The following PWWP2A variants were observed in gnomAD, a reference collection of about 807,000 sequenced individuals.
PWWP2A encodes PWWP domain-containing protein 2A.
A neutral mutation model predicts 48.5 loss-of-function variants in PWWP2A; 18 were observed. That is an observed-to-expected ratio of 0.37 (90% confidence interval 0.26 to 0.55). The LOEUF (loss-of-function observed/expected upper bound fraction) is 0.55, where lower values mean the gene tolerates loss of function less well. PWWP2A is among the 20% of genes least tolerant of loss of function. The pLI is 0.81. For missense variants in PWWP2A, 867 were observed against 976.4 expected (o/e 0.89, Z 1.49); for synonymous variants, 396 against 387.7 (o/e 1.02, Z -0.25).
At chr5:160,068,509 G>C (rs1322564645) in intron 2 of PWWP2A, among the ~76,000 whole-genome samples, 1 of 152,184 alleles carries the variant, frequency 6.6e-6, no homozygotes, top group African/African-American at 2.4e-5. Context: ...TGAGGCAGGA[G>C]AATCGTTTGG....
At chr5:160,068,079 G>A (rs561074847) in intron 2 of PWWP2A, among the ~76,000 whole-genome samples, 47 of 152,308 alleles carry the variant, frequency 3.1e-4, no homozygotes, top group Non-Finnish European at 5.3e-4. Flanking sequence ...TACTTGGGAG[G>A]CTAAGGCAGG....
Position 160,092,095 on chromosome 5 carries a change from A to C in PWWP2A, c.*287T>G. 1 of 1,108,266 alleles carries C rather than the reference A, an allele frequency of 9.0e-7. No individual in the cohort carries two copies. The highest frequency in any genetic ancestry group is 1.1e-6 in the Non-Finnish European group (1 of 907,492). 68.7% of individuals were successfully genotyped at this position (1,108,266 alleles called of 1,614,324 possible). On this transcript the variant is annotated 3_prime_UTR_variant, in exon 2 of 2. Transcript: ENST00000307063. Reference sequence around the variant, plus strand: ...ACAAATGGCAATTAACAGTCCCTACAAAAATTCAATTTCAGTTGAGGCTAT... The same window carrying C: ...ACAAATGGCAATTAACAGTCCCTACCAAAATTCAATTTCAGTTGAGGCTAT...
chr5:160,118,391 C>G (rs1191672496), intron 1 of PWWP2A, among the ~76,000 whole-genome samples: 1 of 152,204 alleles, frequency 6.6e-6, no homozygotes, highest in East Asian at 1.9e-4. Flanking sequence ...AGAGGACAGA[C>G]AAGTGCCTCC....
intron 1 of PWWP2A, among the ~76,000 whole-genome samples, chr5:160,097,778 C>A (rs1755842198): frequency 6.9e-6 from 1 of 145,078 alleles, no homozygotes; most frequent in South Asian, 2.4e-4. Flanking sequence ...TGCAGTGGCA[C>A]AATCTCGGCT....
intron 1 of PWWP2A, among the ~76,000 whole-genome samples, chr5:160,109,822 A>AATATAT (rs201400491): frequency 4.4e-5 from 5 of 114,134 alleles, no homozygotes; most frequent in African/African-American, 1.3e-4. Flanking sequence ...ATAATATAAT[A>AATATAT]ATATATATAT....
intron 2 of PWWP2A, among the ~76,000 whole-genome samples, chr5:160,068,732 G>A (rs1753674455): frequency 6.6e-6 from 1 of 152,198 alleles, no homozygotes; most frequent in Admixed American, 6.5e-5. Flanking sequence ...CATTTATGTT[G>A]TTAATAGCAC....
the PWWP2A span, among the ~76,000 whole-genome samples, chr5:160,053,793 T>C: frequency 6.6e-6 from 1 of 152,234 alleles, no homozygotes; most frequent in African/African-American, 2.4e-5. Flanking sequence ...GTGTTCAGTA[T>C]TCTTTAACTT....
intron 1 of PWWP2A, among the ~76,000 whole-genome samples, chr5:160,106,527 TCA>T (rs1756911540): frequency 6.6e-6 from 1 of 151,814 alleles, no homozygotes; most frequent in Non-Finnish European, 1.5e-5. Flanking sequence ...ATTTAAAACC[TCA>T]CACATTAAAA....
downstream of PWWP2A, among the ~76,000 whole-genome samples, chr5:160,061,392 G>T (rs933731602): frequency 1.3e-5 from 2 of 152,130 alleles, no homozygotes; most frequent in Non-Finnish European, 2.9e-5. Context: ...TATGAATTTG[G>T]TTTTGTGTGT....
chr5:160,101,532 T>C (rs1756289202), intron 1 of PWWP2A, among the ~76,000 whole-genome samples: 3 of 152,176 alleles, frequency 2.0e-5, no homozygotes, highest in African/African-American at 7.2e-5. Context: ...TGGGAAGCTG[T>C]TGTTTAAAAA....
chr5:160,092,946 C>T lies in PWWP2A; in HGVS notation c.1704G>A (p.Met568Ile), dbSNP rs377359788. 431 of 1,551,758 alleles carry T rather than the reference C, an allele frequency of 2.8e-4. No individual in the cohort carries two copies. Among genetic ancestry groups the T allele is most frequent in the Non-Finnish European group, 3.5e-4 (406 of 1,147,090 alleles). Reference protein sequence around the residue: ...KGSKNNISVYMTLNQKKSDSS... With the variant: ...KGSKNNISVYITLNQKKSDSS... The stretch of plus-strand genomic sequence containing the variant: ...AGTCAGATTTCTTTTGATTTAGGGT[C>T]ATATAAACAGAGATATTGTTTTTGC... The change falls in exon 2 of 2, where the codon ATG (methionine) becomes ATA (isoleucine). Residue 568 changes from methionine to isoleucine, a missense_variant. By Grantham distance (10) the Met-to-Ile change is conservative (BLOSUM62 1). Transcript: ENST00000307063.
exon 5 of PWWP2A, chr5:160,063,551 A>T (rs1205139063): frequency 6.6e-6 from 1 of 151,888 alleles, no homozygotes; most frequent in Non-Finnish European, 1.5e-5. Context: ...CCTGGGCTTT[A>T]CTCTAAGATG....
chr5:160,071,447 A>G (rs1753737085), downstream of PWWP2A, among the ~76,000 whole-genome samples: 1 of 152,196 alleles, frequency 6.6e-6, no homozygotes. Context: ...GATCCCAAGA[A>G]CTAAGCAGGC....
Position 160,119,412 on chromosome 5 carries a change from C to T in PWWP2A, c.-24G>A. ...ATTTTCTTCCTAGCTTCTCCCTCCT[C>T]CAACTCCGGCTGCAGCGGCGGCGGC... On this transcript the variant is annotated 5_prime_UTR_variant, in exon 1 of 2. Transcript: ENST00000307063. 2 of 1,358,802 alleles carry T rather than the reference C, an allele frequency of 1.5e-6. No homozygotes were observed. Among genetic ancestry groups the T allele is most frequent in the Non-Finnish European group, 1.9e-6 (2 of 1,061,774 alleles). 84.2% of individuals were successfully genotyped at this position (1,358,802 alleles called of 1,614,324 possible).
intron 4 of PWWP2A, among the ~76,000 whole-genome samples, chr5:160,064,352 G>T (rs1753534566): frequency 6.6e-6 from 1 of 152,208 alleles, no homozygotes; most frequent in Non-Finnish European, 1.5e-5. Context: ...TGAGGTTGCT[G>T]TGCAAATCAA....
At position 160,065,486 on chromosome 5, in the gene PWWP2A, G is replaced by A. The variant is rs536411547; in HGVS notation, c.*236+1062C>T. The A allele has an allele frequency of 2.7e-5, 12 of 444,458 alleles. No homozygotes were observed. In the East Asian group the frequency reaches 2.8e-4, roughly 10 times the overall value. The allele number at this position is 444,458 out of a possible 1,614,324, so 27.5% of individuals were successfully genotyped here. A position where few individuals can be genotyped will look rare whatever the true frequency, so the allele number is the denominator to read the frequency against. ...TCCCCTCCCTGATCACACAGCTAAC[G>A]AGGCTGCCTCCAGCATTTCCTGATT... is the stretch of plus-strand genomic sequence containing the variant. On this transcript the variant is annotated intron_variant and NMD_transcript_variant, in intron 4 of 5. Coordinates refer to the PWWP2A transcript ENST00000524050.
At chr5:160,057,120 A>G (rs925454969), downstream of PWWP2A, among the ~76,000 whole-genome samples, 1 of 152,226 alleles carries the variant, frequency 6.6e-6, no homozygotes, top group African/African-American at 2.4e-5. This position sits in a 1 kb window ranked among gnomAD's most constrained non-coding sequence, Gnocchi z 4.4. Flanking sequence ...TCAGTAGAGA[A>G]TATCAGTAGC....
chr5:160,109,808 T>TATAA (rs1757352839), intron 1 of PWWP2A, among the ~76,000 whole-genome samples: 1 of 106,990 alleles, frequency 9.3e-6, no homozygotes, highest in Admixed American at 1.1e-4. Context: ...TATATATATA[T>TATAA]AAAATAATAT....
At chr5:160,117,768 TG>T in intron 1 of PWWP2A, 1 of 466,256 alleles carries the variant, frequency 2.1e-6, no homozygotes, top group Non-Finnish European at 2.8e-6. Flanking sequence ...TTTCCCCAAA[TG>T]GGAAAGAAGG....
Sources: allele counts gnomAD v4.1 joint callset (sites outside exome capture counted in the v4.1 genomes callset), GRCh38; gene constraint gnomAD v4.1.1; non-coding constraint Gnocchi (gnomAD v3.1); transcripts MANE v1.5; gene names NCBI Gene and HGNC (gene_info 2026-07-23, HGNC 2026-07-21).